RFX2: variants seen among roughly 807,000 people sequenced by gnomAD.
RFX2 encodes the protein DNA-binding protein RFX2.
Under a neutral mutation model 87.8 loss-of-function variants are expected in RFX2, and 20 were observed. The observed-to-expected ratio is 0.23, with a 90% CI of 0.16 to 0.33. RFX2 has a LOEUF of 0.33. Ranked by LOEUF, RFX2 falls within the 10% of genes least tolerant of loss-of-function variation. The pLI is 1.00. For missense variants in RFX2, 767 were observed against 1,012.3 expected, an observed-to-expected ratio of 0.76 and a Z score of 3.29; for synonymous variants, 397 against 431.3, an observed-to-expected ratio of 0.92 and a Z score of 0.98.
chr19:6,040,380 T>A lies in RFX2; in HGVS notation c.261-139A>T. The A allele has an allele frequency of 1.2e-6, 1 of 824,810 alleles. No individual in the cohort carries two copies. Among genetic ancestry groups the A allele is most frequent in the Non-Finnish European group, 1.8e-6 (1 of 559,810 alleles). 51.1% of individuals were successfully genotyped at this position (824,810 alleles called of 1,614,324 possible). ...CATATGGAGCAATTCGGACGTGGCA[T>A]ATGACACTCAAATGCAGCGCAAGTT... On this transcript the variant is annotated intron_variant, in intron 4 of 17. Coordinates refer to ENST00000303657, the MANE Select transcript of RFX2 (RefSeq NM_000635.4). The surrounding 1 kb of genome is among the most constrained non-coding windows in gnomAD (Gnocchi z 6.1).
At chr19:6,106,999 A>G (rs1198650730) in intron 1 of RFX2, among the ~76,000 whole-genome samples, 1 of 152,014 alleles carries the variant, frequency 6.6e-6, no homozygotes, top group Non-Finnish European at 1.5e-5. Flanking sequence ...GCTACTATAA[A>G]AATCCACAGG....
chr19:6,034,708 G>T (rs1192324421), intron 5 of RFX2, among the ~76,000 whole-genome samples: 24 of 152,174 alleles, frequency 1.6e-4, no homozygotes, highest in Admixed American at 1.6e-3. Context: ...TACAGAAGAA[G>T]AGATGTGTGT....
intron 1 of RFX2, among the ~76,000 whole-genome samples, chr19:6,089,833 T>C (rs894571888): frequency 1.3e-5 from 2 of 152,188 alleles, no homozygotes; most frequent in Non-Finnish European, 2.9e-5. Context: ...AGCTCTTACA[T>C]GTGCTGGGGA....
intron 5 of RFX2, among the ~76,000 whole-genome samples, chr19:6,031,908 G>A (rs547711939): frequency 6.6e-6 from 1 of 152,154 alleles, no homozygotes; most frequent in East Asian, 1.9e-4. Context: ...GGAGCTAGAA[G>A]TGGCCATGGT....
chr19:6,071,652 C>T (rs1599904741), intron 1 of RFX2, among the ~76,000 whole-genome samples: 1 of 152,170 alleles, frequency 6.6e-6, no homozygotes, highest in Non-Finnish European at 1.5e-5. Flanking sequence ...CCTCAGTGTG[C>T]GCTGAGAAGA....
chr19:6,108,120 C>T (rs761363737), intron 1 of RFX2, among the ~76,000 whole-genome samples: 1 of 152,184 alleles, frequency 6.6e-6, no homozygotes, highest in Non-Finnish European at 1.5e-5. Flanking sequence ...AACCCAAGTC[C>T]GTTGAACTGT....
chr19:6,007,248 C>G lies in RFX2; in HGVS notation c.1248-82G>C. On this transcript the variant is annotated intron_variant, in intron 11 of 17. Transcript: ENST00000303657. This position sits in a 1 kb window ranked among gnomAD's most constrained non-coding sequence, Gnocchi z 8.2. ...CCACGGGAGCGAGCAGAGAGCCGGG[C>G]TGCGGGACTTTTGCCCAACAGTGGG... 1 of 1,459,272 alleles carries G rather than the reference C, an allele frequency of 6.9e-7. No individual in the cohort carries two copies. The highest frequency in any genetic ancestry group is 9.4e-7 in the Non-Finnish European group (1 of 1,065,608). The allele number at this position is 1,459,272 out of a possible 1,614,324, so 90.4% of individuals were successfully genotyped here.
chr19:6,099,994 T>A (rs1213766687), intron 1 of RFX2, among the ~76,000 whole-genome samples: 2 of 152,166 alleles, frequency 1.3e-5, no homozygotes, highest in African/African-American at 4.8e-5. Context: ...CAACCAAGAA[T>A]AATCTGGCCC....
At chr19:6,107,885 T>C (rs189629695) in intron 1 of RFX2, among the ~76,000 whole-genome samples, 2 of 152,282 alleles carry the variant, frequency 1.3e-5, no homozygotes, top group African/African-American at 2.4e-5. Flanking sequence ...ATACACATTA[T>C]ATTATATTGT....
intron 1 of RFX2, among the ~76,000 whole-genome samples, chr19:6,094,712 T>A (rs2087996163): frequency 6.6e-6 from 1 of 152,224 alleles, no homozygotes; most frequent in South Asian, 2.1e-4. Flanking sequence ...CAAAAAAGAA[T>A]GTGAAATATC....
intron 1 of RFX2, among the ~76,000 whole-genome samples, chr19:6,084,945 C>G (rs1220781899): frequency 6.6e-6 from 1 of 152,082 alleles, no homozygotes; most frequent in African/African-American, 2.4e-5. Flanking sequence ...CTGGATTTGT[C>G]CTTTTGTGTC....
chr19:6,004,197 G>A lies in RFX2; in HGVS notation c.1500+4C>T, dbSNP rs762095421. Reference sequence around the variant, plus strand: ...GGGGAGCCCAGGCCCCACCCCGGACGCACCTTGGTCTGGATGACCTGTTGT... The same window carrying A: ...GGGGAGCCCAGGCCCCACCCCGGACACACCTTGGTCTGGATGACCTGTTGT... On this transcript the variant is annotated splice_donor_region_variant and intron_variant, in intron 13 of 17. Transcript: ENST00000303657. The surrounding 1 kb of genome is among the most constrained non-coding windows in gnomAD (Gnocchi z 4.8). 47 of 1,608,456 alleles carry A rather than the reference G, an allele frequency of 2.9e-5. No individual in the cohort carries two copies. The highest frequency in any genetic ancestry group is 9.0e-5 in the East Asian group (4 of 44,622).
At chr19:6,104,493 T>C (rs187837014) in intron 1 of RFX2, among the ~76,000 whole-genome samples, 564 of 149,254 alleles carry the variant, frequency 3.8e-3, no homozygotes, top group African/African-American at 0.014. Flanking sequence ...GGCCTGAACC[T>C]GGGAGGTGGA....
At chr19:6,095,374 A>C (rs2088006373) in intron 1 of RFX2, among the ~76,000 whole-genome samples, 1 of 152,208 alleles carries the variant, frequency 6.6e-6, no homozygotes, top group Admixed American at 6.5e-5. Flanking sequence ...TAATTACTCT[A>C]TTTGGTGTCC....
chr19:6,039,076 C>T lies in RFX2; in HGVS notation c.522+904G>A, dbSNP rs1442112756. ...CAAACTGGAAACCATCCAAATGGCC[C>T]TCAACTAGTGAATGAATAAACAAAC... On this transcript the variant is annotated intron_variant, in intron 5 of 17. Transcript: ENST00000303657. The surrounding 1 kb of genome is among the most constrained non-coding windows in gnomAD (Gnocchi z 5.2). Among the ~76,000 whole-genome samples the T allele has an allele frequency of 6.6e-6, 1 of 152,100 alleles. No homozygotes were observed. Among genetic ancestry groups the T allele is most frequent in the Non-Finnish European group, 1.5e-5 (1 of 68,004 alleles).
intron 1 of RFX2, among the ~76,000 whole-genome samples, chr19:6,051,110 T>C (rs1420632318): frequency 6.6e-6 from 1 of 152,116 alleles, no homozygotes; most frequent in East Asian, 1.9e-4. Flanking sequence ...CCTGATAAAA[T>C]TTTCTGCCTA....
At chr19:6,080,834 G>A (rs1038944094) in intron 1 of RFX2, among the ~76,000 whole-genome samples, 1 of 152,002 alleles carries the variant, frequency 6.6e-6, no homozygotes, top group Non-Finnish European at 1.5e-5. Context: ...TCAGGAGTTT[G>A]AGACCAGCCT....
In RFX2 at chr19:6,004,855, A is replaced by G. The variant is rs1462342057; in HGVS notation, c.1403-557T>C. 6.6e-6 allele frequency among the ~76,000 whole-genome samples: 1 copy of G among 151,840 alleles called. No individual in the cohort carries two copies. Among genetic ancestry groups the G allele is most frequent in the Non-Finnish European group, 1.5e-5 (1 of 68,000 alleles). ...AGAAAAAGGCCAGGTGTGGTGGCTG[A>G]CGCCTGTAGTCCCAGCACTTTGGGA... is the stretch of plus-strand genomic sequence containing the variant. On this transcript the variant is annotated intron_variant, in intron 12 of 17. Coordinates refer to ENST00000303657, the MANE Select transcript of RFX2 (RefSeq NM_000635.4). The surrounding 1 kb of genome is among the most constrained non-coding windows in gnomAD (Gnocchi z 4.8).
rs2144672446 is a variant in RFX2, at chr19:6,002,432, C to CA, written c.1650+288dup. On this transcript the variant is annotated intron_variant, in intron 14 of 17. Coordinates refer to ENST00000303657, the MANE Select transcript of RFX2 (RefSeq NM_000635.4). This position sits in a 1 kb window ranked among gnomAD's most constrained non-coding sequence, Gnocchi z 6.7. ...GGGGACAGAGCCAGGAAAATGGCCACAGGGAGGTCAACGTGGTGCCACGAT... is the reference window on the plus strand; with the variant it reads ...GGGGACAGAGCCAGGAAAATGGCCACAAGGGAGGTCAACGTGGTGCCACGAT... 6.6e-6 allele frequency among the ~76,000 whole-genome samples: 1 copy of CA among 152,350 alleles called. No individual in the cohort carries two copies. Among genetic ancestry groups the CA allele is most frequent in the Admixed American group, 6.5e-5 (1 of 15,306 alleles).
Sources: gnomAD v4.1 joint callset for allele counts (sites outside exome capture counted in the v4.1 genomes callset) on GRCh38, gnomAD v4.1.1 for gene constraint, Gnocchi (gnomAD v3.1) non-coding constraint, MANE v1.5 for transcripts, NCBI Gene and HGNC (gene_info 2026-07-23, HGNC 2026-07-21) for gene names.